LY96: variants seen among roughly 807,000 people sequenced by gnomAD.
LY96 encodes the protein lymphocyte antigen 96, also known as myeloid differentiation protein-2.
A neutral mutation model predicts 18.9 loss-of-function variants in LY96; 18 were observed. The ratio of observed to expected loss-of-function variants is 0.95; its 90% CI spans 0.66 to 1.41. The LOEUF is 1.41. Ranked by LOEUF, LY96 falls within the 40% of genes most tolerant of loss-of-function variation. LY96 has a pLI of 0.00. For missense variants in LY96, 175 were observed against 182.4 expected (o/e 0.96, Z 0.23); for synonymous variants, 66 against 62.6 (o/e 1.06, Z -0.26).
chr8:73,991,689 C>T, intron 1 of LY96, 135 bp downstream of exon 1: 1 of 644,560 alleles, frequency 1.6e-6, no homozygotes, highest in Non-Finnish European at 2.8e-6. Flanking sequence ...ACGCTGCCAG[C>T]AGGAAAAGCA....
chr8:74,009,713 T>C (rs1282513640), intron 2 of LY96, among the ~76,000 whole-genome samples: 3 of 152,200 alleles, frequency 2.0e-5, no homozygotes, highest in African/African-American at 7.2e-5. Context: ...CTTTATTTGA[T>C]AGTTTTCTCA....
At chr8:74,015,133 G>T (rs1200955649) in intron 3 of LY96, among the ~76,000 whole-genome samples, 1 of 152,074 alleles carries the variant, frequency 6.6e-6, no homozygotes, top group African/African-American at 2.4e-5. Context: ...CTGGAGCTTG[G>T]GCAGTGGAGG....
chr8:74,088,129 A>AATGGAATGGAATG, the LY96 span, among the ~76,000 whole-genome samples: 9 of 151,004 alleles, frequency 6.0e-5, no homozygotes, highest in African/African-American at 2.2e-4. Flanking sequence ...AGAATAGAAT[A>AATGGAATGGAATG]GAATAGAATA....
intron 2 of LY96, among the ~76,000 whole-genome samples, chr8:74,009,079 T>C (rs763097808): frequency 1.2e-4 from 19 of 152,104 alleles, no homozygotes; most frequent in Non-Finnish European, 2.5e-4. Flanking sequence ...GGTTGCAAAA[T>C]TGTTTTCTTT....
the LY96 span, among the ~76,000 whole-genome samples, chr8:74,098,824 C>T: frequency 3.3e-5 from 5 of 152,254 alleles, no homozygotes; most frequent in Admixed American, 2.0e-4. Flanking sequence ...TGCTTCATAG[C>T]CCATGATTCA....
At chr8:74,038,540 T>C in the LY96 span, among the ~76,000 whole-genome samples, 1 of 152,194 alleles carries the variant, frequency 6.6e-6, no homozygotes, top group Non-Finnish European at 1.5e-5. Context: ...CTTGCTCTTG[T>C]TTTTTAATTT....
chr8:74,050,346 T>TA, the LY96 span, among the ~76,000 whole-genome samples: 2 of 150,478 alleles, frequency 1.3e-5, no homozygotes, highest in South Asian at 4.2e-4. Flanking sequence ...CTATCTCGAT[T>TA]AAAAAAAAAG....
At chr8:74,009,434 G>A (rs1266959665) in intron 2 of LY96, among the ~76,000 whole-genome samples, 1 of 149,730 alleles carries the variant, frequency 6.7e-6, no homozygotes, top group East Asian at 1.9e-4. Context: ...AAAGGATTGT[G>A]CATCTTTTTC....
chr8:74,083,076 T>C, the LY96 span, among the ~76,000 whole-genome samples: 1 of 152,136 alleles, frequency 6.6e-6, no homozygotes, highest in East Asian at 1.9e-4. Context: ...TGGATTAATT[T>C]GAAGTAAGTT....
At chr8:74,069,955 TGA>T in the LY96 span, among the ~76,000 whole-genome samples, 2 of 152,174 alleles carry the variant, frequency 1.3e-5, no homozygotes, top group African/African-American at 4.8e-5. Context: ...TGTGAAATAA[TGA>T]GTTTTAATTA....
the LY96 span, among the ~76,000 whole-genome samples, chr8:74,070,306 C>G: frequency 2.6e-5 from 4 of 151,852 alleles, no homozygotes; most frequent in African/African-American, 7.3e-5. Flanking sequence ...TTAGCCAGGA[C>G]GGTCTCAATC....
At chr8:74,083,135 T>C in the LY96 span, among the ~76,000 whole-genome samples, 1 of 152,212 alleles carries the variant, frequency 6.6e-6, no homozygotes, top group Non-Finnish European at 1.5e-5. Flanking sequence ...TAAATATATA[T>C]CTATAAATAC....
At chr8:74,006,412 G>A (rs1299417929) in intron 2 of LY96, among the ~76,000 whole-genome samples, 1 of 152,148 alleles carries the variant, frequency 6.6e-6, no homozygotes, top group East Asian at 1.9e-4. Flanking sequence ...TGACCAGGCT[G>A]GTCTTGAACT....
chr8:74,096,924 G>A, the LY96 span, among the ~76,000 whole-genome samples: 1 of 152,200 alleles, frequency 6.6e-6, no homozygotes, highest in African/African-American at 2.4e-5. Flanking sequence ...CCTGGGGGTA[G>A]TTTCTGGGAG....
chr8:73,995,782 G>A (rs7822709), intron 1 of LY96, among the ~76,000 whole-genome samples: 75,625 of 151,728 alleles, frequency 0.5, 19,115 homozygotes, highest in African/African-American at 0.59. Flanking sequence ...AGATTATTTA[G>A]TGAAACCAAT....
chr8:74,087,981 C>A, the LY96 span, among the ~76,000 whole-genome samples: 6 of 151,880 alleles, frequency 4.0e-5, no homozygotes, highest in South Asian at 1.2e-3. Context: ...AGGACAAATT[C>A]AAGTTTGTCT....
chr8:74,078,690 A>G, the LY96 span, among the ~76,000 whole-genome samples: 5 of 152,176 alleles, frequency 3.3e-5, no homozygotes, highest in African/African-American at 9.6e-5. Flanking sequence ...TGCAAGCTGC[A>G]CTGGTCCTCC....
At chr8:74,079,008 C>T in the LY96 span, among the ~76,000 whole-genome samples, 22,594 of 152,050 alleles carry the variant, frequency 0.15, 2,179 homozygotes, top group East Asian at 0.21. Flanking sequence ...GCTGGTAAAG[C>T]GTTATTTCTG....
chr8:74,062,729 GTCCT>G, the LY96 span, among the ~76,000 whole-genome samples: 2 of 152,156 alleles, frequency 1.3e-5, no homozygotes, highest in African/African-American at 4.8e-5. Flanking sequence ...CCTCACAGTG[GTCCT>G]ATGTGGTATG....
Sources: gnomAD v4.1 joint callset for allele counts (sites outside exome capture counted in the v4.1 genomes callset) on GRCh38, gnomAD v4.1.1 for gene constraint, MANE v1.5 for transcripts, NCBI Gene and HGNC (gene_info 2026-07-23, HGNC 2026-07-21) for gene names.